GALNT7: variants seen among roughly 807,000 people sequenced by gnomAD.
GALNT7 encodes polypeptide N-acetylgalactosaminyltransferase 7, also known as N-acetylgalactosaminyltransferase 7.
In GALNT7, 60 loss-of-function variants were observed where a neutral mutation model predicts 82.1. The ratio of observed to expected loss-of-function variants is 0.73; its 90% CI spans 0.59 to 0.91. The LOEUF (loss-of-function observed/expected upper bound fraction) is 0.91. Among genes scored for constraint, GALNT7 ranks in the 40% least tolerant of loss-of-function variants. The pLI is 0.00. For synonymous variants in GALNT7, 243 were observed against 275.1 expected, an observed-to-expected ratio of 0.88 and a Z score of 1.15; for missense variants, 660 against 804.2, an observed-to-expected ratio of 0.82 and a Z score of 2.17.
At chr4:173,279,480 A>C (rs1314502561) in intron 2 of GALNT7, among the ~76,000 whole-genome samples, 1 of 152,170 alleles carries the variant, frequency 6.6e-6, no homozygotes, top group Non-Finnish European at 1.5e-5. Context: ...AAACTATATC[A>C]AGTGATAAAC....
chr4:173,189,165 C>A (rs1222258666), intron 1 of GALNT7, among the ~76,000 whole-genome samples: 1 of 152,166 alleles, frequency 6.6e-6, no homozygotes, highest in African/African-American at 2.4e-5. Context: ...TCTCACTGAT[C>A]TTGCGGTTAT....
In GALNT7 at chr4:173,275,552, C is replaced by T. The variant is rs1402820860; in HGVS notation, c.588-16556C>T. Among the ~76,000 whole-genome samples the T allele has an allele frequency of 2.0e-5, 3 of 152,140 alleles. No homozygotes were observed. In the East Asian group the frequency reaches 5.8e-4, roughly 29 times the overall value. The stretch of plus-strand genomic sequence containing the variant: ...TGGTCTGGCAGATCATGGTGCAGCT[C>T]TTTGTTTCATGAGCTACGTGCAGCA... On this transcript the variant is annotated intron_variant, in intron 2 of 11. Coordinates refer to ENST00000265000, the MANE Select transcript of GALNT7 (RefSeq NM_017423.3).
chr4:173,283,635 G>GAA (rs201117902), intron 2 of GALNT7, among the ~76,000 whole-genome samples: 22 of 92,828 alleles, frequency 2.4e-4, no homozygotes, highest in African/African-American at 5.9e-4. Flanking sequence ...AACTCTGTCT[G>GAA]AAAAAAAAAA....
At chr4:173,282,942 T>C (rs1441733506) in intron 2 of GALNT7, among the ~76,000 whole-genome samples, 1 of 152,208 alleles carries the variant, frequency 6.6e-6, no homozygotes, top group East Asian at 1.9e-4. Context: ...TTATTTACTC[T>C]TATTACCTGG....
At chr4:173,291,702 C>T (rs569738133) in intron 2 of GALNT7, among the ~76,000 whole-genome samples, 7 of 151,248 alleles carry the variant, frequency 4.6e-5, no homozygotes, top group African/African-American at 9.7e-5. Flanking sequence ...AGCTTTCAAA[C>T]GCAGTAATAT....
chr4:173,180,854 T>G (rs1024402829), intron 1 of GALNT7, among the ~76,000 whole-genome samples: 29 of 152,226 alleles, frequency 1.9e-4, no homozygotes, highest in African/African-American at 6.5e-4. Context: ...ATCATTGTGT[T>G]TCTTATTGCC....
chr4:173,248,114 A>G lies in GALNT7; in HGVS notation c.261A>G (p.Arg87=). The stretch of plus-strand genomic sequence containing the variant: ...AAGTGGACTTAGAGTCTATTAGAAG[A>G]ATAAACAAGGCCAAAAATGAACAAG... ...GVEVDLESIR[R]INKAKNEQEH... The change falls in exon 2 of 12, where the codon AGA becomes AGG. Residue 87 remains arginine, a synonymous_variant. Transcript: ENST00000265000. The G allele has an allele frequency of 1.2e-6, 2 of 1,613,884 alleles. No homozygotes were observed. Among genetic ancestry groups the G allele is most frequent in the Non-Finnish European group, 1.7e-6 (2 of 1,179,836 alleles).
In GALNT7 at chr4:173,318,463, G is replaced by A; in HGVS notation, c.1740G>A (p.Met580Ile). 6.2e-7 allele frequency: 1 copy of A among 1,602,244 alleles called. No individual in the cohort carries two copies. The highest frequency in any genetic ancestry group is 1.3e-5 in the African/African-American group (1 of 74,548). Residue 580 changes from methionine to isoleucine, a missense_variant, in exon 11 of 12, where the codon ATG becomes ATA. Physicochemically the swap from Met to Ile is conservative, Grantham distance 10. Transcript: ENST00000265000. Reference sequence around the variant, plus strand: ...GAATCAATGAAGCAAATCAACTCATGCAGTATGACCAGTGTTTGACAAAGG... The same window carrying A: ...GAATCAATGAAGCAAATCAACTCATACAGTATGACCAGTGTTTGACAAAGG... ...LFRINEANQL[M>I]QYDQCLTKGA...
At chr4:173,178,223 G>A (rs940161953) in intron 1 of GALNT7, among the ~76,000 whole-genome samples, 13 of 151,858 alleles carry the variant, frequency 8.6e-5, no homozygotes, top group Admixed American at 3.9e-4. Flanking sequence ...TTTAAAGTTG[G>A]AAAATAAATT....
intron 1 of GALNT7, among the ~76,000 whole-genome samples, chr4:173,238,032 GTCTGTTT>G (rs1411445232): frequency 6.6e-6 from 1 of 152,032 alleles, no homozygotes; most frequent in Non-Finnish European, 1.5e-5. Flanking sequence ...CTTTTGAAGG[GTCTGTTT>G]AGCAGGGTTA....
At chr4:173,186,955 C>T (rs936134174) in intron 1 of GALNT7, among the ~76,000 whole-genome samples, 15 of 151,954 alleles carry the variant, frequency 9.9e-5, no homozygotes, top group African/African-American at 2.7e-4. Context: ...TTAGTAGAGA[C>T]GGATGTTGGC....
Position 173,322,510 on chromosome 4 carries a change from C to T in GALNT7, c.*793C>T, listed in dbSNP as rs529735023. 6.6e-6 allele frequency: 1 copy of T among 152,296 alleles called. No homozygotes were observed. Among genetic ancestry groups the T allele is most frequent in the Admixed American group, 6.5e-5 (1 of 15,298 alleles). 9.4% of individuals were successfully genotyped at this position (152,296 alleles called of 1,614,324 possible). ...TACCTACTGGCATTCCCAGTGCCCT[C>T]TGTCCATACCTACTTCTAGGATTGC... On this transcript the variant is annotated 3_prime_UTR_variant, in exon 12 of 12. Coordinates refer to ENST00000265000, the MANE Select transcript of GALNT7 (RefSeq NM_017423.3).
chr4:173,309,949 T>G (rs1737317446), intron 8 of GALNT7, among the ~76,000 whole-genome samples: 1 of 152,146 alleles, frequency 6.6e-6, no homozygotes, highest in South Asian at 2.1e-4. Context: ...AAAGAAAAAC[T>G]AAAAGAGCTG....
intron 1 of GALNT7, among the ~76,000 whole-genome samples, chr4:173,186,021 G>A (rs953903175): frequency 6.6e-6 from 1 of 152,204 alleles, no homozygotes. Flanking sequence ...GAACTTTAAG[G>A]TGTAGGAAGA....
intron 8 of GALNT7, among the ~76,000 whole-genome samples, chr4:173,308,475 A>G (rs1479668419): frequency 3.3e-5 from 5 of 152,334 alleles, no homozygotes; most frequent in Non-Finnish European, 4.4e-5. Context: ...AGTTTGCATA[A>G]TAAGCAAAAT....
At chr4:173,183,967 C>G (rs1364604325) in intron 1 of GALNT7, among the ~76,000 whole-genome samples, 1 of 151,066 alleles carries the variant, frequency 6.6e-6, no homozygotes, top group Admixed American at 6.6e-5. Context: ...GACGGGGTCG[C>G]GGCCGGGCAG....
chr4:173,205,451 G>A (rs567510996), intron 1 of GALNT7, among the ~76,000 whole-genome samples: 1 of 152,276 alleles, frequency 6.6e-6, no homozygotes, highest in East Asian at 1.9e-4. Context: ...GGGTCTGCTG[G>A]AGCATGGGGC....
chr4:173,184,047 C>T (rs368604692), intron 1 of GALNT7, among the ~76,000 whole-genome samples: 1 of 151,482 alleles, frequency 6.6e-6, no homozygotes, highest in Admixed American at 6.6e-5. Flanking sequence ...GATGGGCGGC[C>T]GGGCAGAGAC....
chr4:173,250,723 A>G (rs1042905740), intron 2 of GALNT7, among the ~76,000 whole-genome samples: 3 of 151,966 alleles, frequency 2.0e-5, no homozygotes, highest in Non-Finnish European at 2.9e-5. Context: ...TTAAAACCCA[A>G]ACTCCTAACG....
Sources: gnomAD v4.1 joint callset for allele counts (sites outside exome capture counted in the v4.1 genomes callset) on GRCh38, gnomAD v4.1.1 for gene constraint, MANE v1.5 for transcripts, NCBI Gene and HGNC (gene_info 2026-07-23, HGNC 2026-07-21) for gene names.